Variants in CCSER1 observed in about 807,000 individuals in gnomAD.
CCSER1 encodes the protein serine-rich coiled-coil domain-containing protein 1.
Under a neutral mutation model 82.0 loss-of-function variants are expected in CCSER1, and 41 were observed. That is an observed-to-expected ratio of 0.50 (90% CI 0.39 to 0.65). The LOEUF is 0.65. Ranked by LOEUF, CCSER1 falls within the 30% of genes least tolerant of loss-of-function variation. CCSER1 has a pLI of 0.00. For missense variants in CCSER1, 1,119 were observed against 1,064.2 expected (o/e 1.05, Z -0.72); for synonymous variants, 414 against 383.9 (o/e 1.08, Z -0.92).
At chr4:91,451,924 C>T (rs1323551325) in intron 10 of CCSER1, among the ~76,000 whole-genome samples, 1 of 151,866 alleles carries the variant, frequency 6.6e-6, no homozygotes, top group Non-Finnish European at 1.5e-5. Flanking sequence ...TGAGCTGGTC[C>T]AATGTGATCC....
At chr4:90,383,910 T>A (rs1749604569) in intron 3 of CCSER1, among the ~76,000 whole-genome samples, 3 of 151,780 alleles carry the variant, frequency 2.0e-5, no homozygotes, top group Admixed American at 1.3e-4. Flanking sequence ...CTAACTATTT[T>A]AAATTTTTTA....
intron 9 of CCSER1, among the ~76,000 whole-genome samples, chr4:91,008,341 C>T (rs1335900762): frequency 6.6e-6 from 1 of 152,082 alleles, no homozygotes; most frequent in East Asian, 1.9e-4. Context: ...AGTTATCTTT[C>T]TTTATATCTA....
intron 10 of CCSER1, among the ~76,000 whole-genome samples, chr4:91,324,664 G>A (rs773399323): frequency 6.6e-6 from 1 of 152,098 alleles, no homozygotes; most frequent in Non-Finnish European, 1.5e-5. Flanking sequence ...AACAAAATAT[G>A]ACCCTAGAGT....
At chr4:91,008,055 T>C (rs558152544) in intron 9 of CCSER1, among the ~76,000 whole-genome samples, 1 of 152,316 alleles carries the variant, frequency 6.6e-6, no homozygotes, top group East Asian at 1.9e-4. Context: ...TTCCTGCTTT[T>C]ACTGATTCTA....
intron 10 of CCSER1, among the ~76,000 whole-genome samples, chr4:91,113,021 A>C (rs1726216974): frequency 1.3e-5 from 2 of 152,228 alleles, no homozygotes; most frequent in Non-Finnish European, 1.5e-5. Flanking sequence ...CATTCAGCAG[A>C]AGAAGTTACC....
chr4:90,616,698 CA>C (rs1721287907), intron 5 of CCSER1, among the ~76,000 whole-genome samples: 2 of 112,830 alleles, frequency 1.8e-5, no homozygotes, highest in Non-Finnish European at 3.4e-5. Flanking sequence ...CACACACACA[CA>C]CACACACACA....
Position 91,572,688 on chromosome 4 carries a change from A to C in CCSER1, c.2218-25884A>C, listed in dbSNP as rs181623505. Among the ~76,000 whole-genome samples, 16 of 152,038 alleles carry C rather than the reference A, an allele frequency of 1.1e-4. No individual in the cohort carries two copies. The East Asian group carries it at 2.9e-3, about 28-fold the overall frequency. On this transcript the variant is annotated intron_variant, in intron 10 of 10. Coordinates refer to ENST00000509176, the MANE Select transcript of CCSER1 (RefSeq NM_001145065.2). ...CTTAAAGAAGCAGTCTGGGCTGGGC[A>C]TGATGGCTTATATCTGTAATCCCAG...
intron 3 of CCSER1, among the ~76,000 whole-genome samples, chr4:90,328,996 CTT>C (rs1363570335): frequency 6.6e-6 from 1 of 152,182 alleles, no homozygotes; most frequent in Non-Finnish European, 1.5e-5. Context: ...TTCCACACTT[CTT>C]TGTTTTTTAA....
chr4:91,185,434 A>G (rs1734435744), intron 10 of CCSER1, among the ~76,000 whole-genome samples: 1 of 152,216 alleles, frequency 6.6e-6, no homozygotes, highest in Non-Finnish European at 1.5e-5. Flanking sequence ...CCTGCTGGCA[A>G]GGGTCCTCCA....
rs543600736 is a variant in CCSER1, at chr4:90,829,792, G to C, written c.2094+13947G>C. ...ATCCTAGAACTTTATAGGCTGGTCT[G>C]TTTCCCGTAATTCTTTCCTTAGGGT... On this transcript the variant is annotated intron_variant, in intron 8 of 10. Coordinates refer to ENST00000509176, the MANE Select transcript of CCSER1 (RefSeq NM_001145065.2). Among the ~76,000 whole-genome samples the C allele has an allele frequency of 5.7e-4, 87 of 152,278 alleles. 2 individuals carry two copies. The highest frequency in any genetic ancestry group is 1.9e-3 in the African/African-American group (79 of 41,564).
chr4:91,244,792 G>T (rs1459291351), intron 10 of CCSER1, among the ~76,000 whole-genome samples: 3 of 152,062 alleles, frequency 2.0e-5, no homozygotes, highest in South Asian at 4.1e-4. Context: ...ATTAAATAAG[G>T]CACCAAGGAC....
chr4:90,492,026 C>T (rs1278817198), intron 5 of CCSER1, among the ~76,000 whole-genome samples: 4 of 152,110 alleles, frequency 2.6e-5, no homozygotes. Flanking sequence ...ATGATGCTGG[C>T]CTCATAAAAT....
intron 9 of CCSER1, among the ~76,000 whole-genome samples, chr4:90,939,656 A>G (rs1044690860): frequency 1.3e-5 from 2 of 152,166 alleles, no homozygotes; most frequent in Admixed American, 1.3e-4. Flanking sequence ...ACAGACAAGG[A>G]AGTAATCATG....
intron 10 of CCSER1, among the ~76,000 whole-genome samples, chr4:91,334,732 G>A (rs766296780): frequency 2.6e-5 from 4 of 152,052 alleles, no homozygotes; most frequent in South Asian, 2.1e-4. Flanking sequence ...CACCTATGAT[G>A]TCTTTTCTCA....
chr4:91,081,540 A>G (rs1722743843), intron 9 of CCSER1, among the ~76,000 whole-genome samples: 1 of 152,150 alleles, frequency 6.6e-6, no homozygotes, highest in African/African-American at 2.4e-5. Flanking sequence ...CCTATTCAAC[A>G]TAGTGTTGGA....
intron 7 of CCSER1, among the ~76,000 whole-genome samples, chr4:90,767,178 G>A (rs1751374901): frequency 6.6e-6 from 1 of 152,058 alleles, no homozygotes; most frequent in Non-Finnish European, 1.5e-5. Flanking sequence ...AAAAAGATAT[G>A]GCATAACAGA....
intron 10 of CCSER1, among the ~76,000 whole-genome samples, chr4:91,374,560 C>T (rs1281355823): frequency 2.0e-5 from 3 of 152,190 alleles, no homozygotes; most frequent in Non-Finnish European, 4.4e-5. Context: ...ATTATTACTA[C>T]TCATTGACAA....
At chr4:90,190,304 C>T (rs895996019) in intron 1 of CCSER1, among the ~76,000 whole-genome samples, 1 of 152,038 alleles carries the variant, frequency 6.6e-6, no homozygotes, top group African/African-American at 2.4e-5. Context: ...TGTCATGAGT[C>T]CTGGGACAGG....
At chr4:90,253,081 T>C (rs1338687798) in intron 1 of CCSER1, among the ~76,000 whole-genome samples, 2 of 152,078 alleles carry the variant, frequency 1.3e-5, no homozygotes, top group African/African-American at 4.8e-5. Flanking sequence ...ATTTAACTTT[T>C]TGTTTGGTGT....
Sources: gnomAD v4.1 joint callset for allele counts (sites outside exome capture counted in the v4.1 genomes callset) on GRCh38, gnomAD v4.1.1 for gene constraint, MANE v1.5 for transcripts, NCBI Gene and HGNC (gene_info 2026-07-23, HGNC 2026-07-21) for gene names.